Variants in STK3 observed in about 807,000 individuals in gnomAD.
The protein encoded by STK3 is serine/threonine-protein kinase 3.
In STK3, 41 loss-of-function variants were observed where a neutral mutation model predicts 58.0. The observed-to-expected ratio is 0.71, with a 90% CI of 0.55 to 0.92. The LOEUF (loss-of-function observed/expected upper bound fraction) is 0.92. STK3 is among the 40% of genes least tolerant of loss of function. The probability of loss-of-function intolerance (pLI) is 0.00; values close to 1 mark genes in which losing one functional copy is unlikely to be tolerated. For synonymous variants in STK3, 170 were observed against 191.0 expected, an observed-to-expected ratio of 0.89 and a Z score of 0.91; for missense variants, 479 against 602.7, an observed-to-expected ratio of 0.79 and a Z score of 2.15.
At chr8:98,506,207 G>T (rs958321905) in intron 10 of STK3, among the ~76,000 whole-genome samples, 3 of 152,232 alleles carry the variant, frequency 2.0e-5, no homozygotes, top group African/African-American at 2.4e-5. Flanking sequence ...CGCCAAGCCA[G>T]GCATGGGATA....
chr8:98,670,698 C>T (rs1005240971), intron 6 of STK3, among the ~76,000 whole-genome samples: 1 of 152,218 alleles, frequency 6.6e-6, no homozygotes, highest in African/African-American at 2.4e-5. Context: ...CCAATACTAC[C>T]TGTGGCCCAT....
At chr8:98,551,121 T>C (rs1454017224) in intron 8 of STK3, among the ~76,000 whole-genome samples, 1 of 152,174 alleles carries the variant, frequency 6.6e-6, no homozygotes, top group Non-Finnish European at 1.5e-5. Context: ...CGTCTTATTC[T>C]CTATCCAGAA....
chr8:98,443,236 C>G (rs1421561630), intron 1 of STK3, among the ~76,000 whole-genome samples: 2 of 152,144 alleles, frequency 1.3e-5, no homozygotes, highest in Non-Finnish European at 2.9e-5. Flanking sequence ...CAGTATTTGC[C>G]ACCTAAATTT....
chr8:98,518,896 A>G (rs543525588), intron 10 of STK3, among the ~76,000 whole-genome samples: 1 of 152,256 alleles, frequency 6.6e-6, no homozygotes, highest in South Asian at 2.1e-4. Flanking sequence ...TTCATGCCAC[A>G]TGTACACCTG....
At chr8:98,371,021 A>T (rs893552316), downstream of STK3, among the ~76,000 whole-genome samples, 2 of 152,232 alleles carry the variant, frequency 1.3e-5, no homozygotes, top group African/African-American at 4.8e-5. Context: ...CTCTGGTAAG[A>T]TCTCAGACCA....
chr8:98,389,925 A>G (rs772998219), upstream of STK3, among the ~76,000 whole-genome samples: 2 of 151,968 alleles, frequency 1.3e-5, no homozygotes, highest in Non-Finnish European at 2.9e-5. Flanking sequence ...GATGCGACTG[A>G]GCAGAGGAGG....
chr8:98,591,905 CT>C (rs1815348809), intron 7 of STK3, among the ~76,000 whole-genome samples: 1 of 152,148 alleles, frequency 6.6e-6, no homozygotes, highest in Non-Finnish European at 1.5e-5. Flanking sequence ...TATAATTCTA[CT>C]GGTTTCTAGT....
chr8:98,771,404 G>A (rs1831308483), intron 2 of STK3, among the ~76,000 whole-genome samples: 1 of 152,102 alleles, frequency 6.6e-6, no homozygotes, highest in African/African-American at 2.4e-5. Flanking sequence ...CTATGAGTTG[G>A]TACCTTTATA....
intron 1 of STK3, among the ~76,000 whole-genome samples, chr8:98,923,493 A>G (rs1839651107): frequency 6.6e-6 from 1 of 152,226 alleles, no homozygotes; most frequent in Admixed American, 6.5e-5. Flanking sequence ...TCATGCAAAC[A>G]TAAAATGAAA....
chr8:98,658,337 G>T (rs1335889883), intron 6 of STK3, among the ~76,000 whole-genome samples: 1 of 151,972 alleles, frequency 6.6e-6, no homozygotes. Flanking sequence ...AACTGAAGAG[G>T]GAGTGCTGCT....
intron 7 of STK3, chr8:98,594,949 T>A (rs1430175541): frequency 1.3e-5 from 2 of 152,222 alleles, no homozygotes; most frequent in Non-Finnish European, 2.9e-5. Context: ...TGTACATAGG[T>A]GTATTTTTCC....
chr8:98,636,229 T>C (rs2130561746), intron 6 of STK3, among the ~76,000 whole-genome samples: 1 of 152,194 alleles, frequency 6.6e-6, no homozygotes, highest in Admixed American at 6.5e-5. Flanking sequence ...CATGGAGAGG[T>C]TAAATTGGGC....
chr8:98,940,593 C>A (rs565313286), intron 1 of STK3, among the ~76,000 whole-genome samples: 1 of 152,078 alleles, frequency 6.6e-6, no homozygotes, highest in African/African-American at 2.4e-5. Context: ...CTCCCGCAGA[C>A]GCGGGAAGGC....
chr8:98,463,980 T>C (rs1820221438), intron 10 of STK3, among the ~76,000 whole-genome samples: 1 of 152,100 alleles, frequency 6.6e-6, no homozygotes, highest in East Asian at 1.9e-4. Context: ...AAACAGTCAA[T>C]CAAGAGAATC....
At chr8:98,841,809 T>C (rs2131810860) in intron 3 of STK3, among the ~76,000 whole-genome samples, 1 of 152,110 alleles carries the variant, frequency 6.6e-6, no homozygotes, top group East Asian at 1.9e-4. Context: ...GGTTGTCTAC[T>C]GCAGACTATA....
At chr8:98,353,783 G>C in the STK3 span, among the ~76,000 whole-genome samples, 1 of 152,144 alleles carries the variant, frequency 6.6e-6, no homozygotes, top group Non-Finnish European at 1.5e-5. Context: ...AGATGTAGTA[G>C]ATATAGGTAT....
At chr8:98,901,537 C>T (rs1032221436) in intron 1 of STK3, among the ~76,000 whole-genome samples, 1 of 152,242 alleles carries the variant, frequency 6.6e-6, no homozygotes, top group Non-Finnish European at 1.5e-5. Flanking sequence ...CTGCCTTAGA[C>T]CTTTTCTTGC....
intron 3 of STK3, among the ~76,000 whole-genome samples, chr8:98,854,483 C>T (rs1440695212): frequency 2.0e-5 from 3 of 151,958 alleles, no homozygotes; most frequent in Non-Finnish European, 4.4e-5. Flanking sequence ...ATAGAAAATC[C>T]TTAGAAATCC....
chr8:98,873,450 C>T (rs1451661780), intron 3 of STK3, among the ~76,000 whole-genome samples: 5 of 152,154 alleles, frequency 3.3e-5, no homozygotes, highest in African/African-American at 1.2e-4. Flanking sequence ...GTTAAAGTCT[C>T]CCATTATTAT....
Sources: gnomAD v4.1 joint callset for allele counts (sites outside exome capture counted in the v4.1 genomes callset) on GRCh38, gnomAD v4.1.1 for gene constraint, MANE v1.5 for transcripts, NCBI Gene and HGNC (gene_info 2026-07-23, HGNC 2026-07-21) for gene names.